The following TBATA variants were observed in gnomAD, a reference collection of about 807,000 sequenced individuals.
The protein encoded by TBATA is thymus, brain and testes associated, also known as protein TBATA.
TBATA carries 47 observed loss-of-function variants against 38.7 expected under a neutral mutation model. The ratio of observed to expected loss-of-function variants is 1.21; its 90% CI spans 0.96 to 1.55. TBATA has a LOEUF of 1.55. Among genes scored for constraint, TBATA ranks in the 40% most tolerant of loss-of-function variants. TBATA has a pLI of 0.00. For missense variants in TBATA, 436 were observed against 435.6 expected, an observed-to-expected ratio of 1.00 and a Z score of -0.01; for synonymous variants, 183 against 170.5, an observed-to-expected ratio of 1.07 and a Z score of -0.57.
chr10:70,774,325 C>T lies in TBATA; in HGVS notation c.808G>A (p.Ala270Thr), dbSNP rs1210183422. ...KDLALGLLQT[A>T]VAQLLPQPLV... ...GGCTGGGGAAGGAGCTGAGCCACTG[C>T]TGTCTGCAGGAGTCCCAGAGCGAGG... The change falls in exon 9 of 11, where the codon GCA becomes ACA. Residue 270 changes from alanine (A) to threonine (T), a missense_variant. Transcript: ENST00000456372. 6.2e-7 allele frequency: 1 copy of T among 1,604,748 alleles called. No homozygotes were observed. The highest frequency in any genetic ancestry group is 8.5e-7 in the Non-Finnish European group (1 of 1,176,438).
At position 70,774,217 on chromosome 10, in the gene TBATA, AG is replaced by A. The variant is rs1320182686; in HGVS notation, c.915del (p.Cys306AlafsTer51). ...AGGGCGGGGTGCGGGGCCCACCTGC[AG>A]GGTGGCTCTTGCTTCTCTTGAGGAG... The part of the protein sequence containing the change: ...HEPPQEKQEP[P>X]CSQSPKKTKI... On this transcript the variant is annotated frameshift_variant, in exon 9 of 11. Coordinates refer to ENST00000456372, the MANE Select transcript of TBATA (RefSeq NM_001318241.2). LOFTEE classifies it high-confidence loss of function. 6.2e-7 allele frequency: 1 copy of A among 1,612,056 alleles called. No homozygotes were observed. Among genetic ancestry groups the A allele is most frequent in the Non-Finnish European group, 8.5e-7 (1 of 1,179,570 alleles).
At position 70,781,891 on chromosome 10, in the gene TBATA, T is replaced by C; in HGVS notation, c.187A>G (p.Thr63Ala). 1.9e-6 allele frequency: 3 copies of C among 1,614,046 alleles called. No homozygotes were observed. The highest frequency in any genetic ancestry group is 2.2e-5 in the South Asian group (2 of 91,078). ...RRALRTPKPQ[T>A]PGTYCFGRLS... ...CGTCCAAAGCAGTAGGTGCCAGGGG[T>C]TTGGGGCTTTGGGGTCCTCAATGCC... Residue 63 changes from threonine to alanine, a missense_variant, in exon 4 of 11, where the codon ACC becomes GCC. Transcript: ENST00000456372.
chr10:70,778,722 G>T (rs1272029371), intron 5 of TBATA, 86 bp from the exon 6 acceptor site: 2 of 1,199,148 alleles, frequency 1.7e-6, no homozygotes, highest in Non-Finnish European at 1.2e-6. Context: ...AGAGGAGTCT[G>T]CTCTCCTTCC....
intron 3 of TBATA, chr10:70,782,312 G>T (rs1384619719): frequency 6.8e-7 from 1 of 1,468,110 alleles, no homozygotes; most frequent in African/African-American, 1.4e-5. Flanking sequence ...TTTTTTCCCA[G>T]AGACCATATC....
chr10:70,782,314 G>T, intron 3 of TBATA: 1 of 1,461,144 alleles, frequency 6.8e-7, no homozygotes, highest in Non-Finnish European at 9.1e-7. Flanking sequence ...TTTTCCCAGA[G>T]ACCATATCTG....
intron 8 of TBATA, 107 bp downstream of exon 8, chr10:70,775,082 C>G: frequency 9.5e-7 from 1 of 1,057,414 alleles, no homozygotes. Context: ...ATGGAAGGCC[C>G]CCTCCAGGGT....
chr10:70,783,882 C>T (rs1191285273), intron 2 of TBATA, among the ~76,000 whole-genome samples: 1 of 152,160 alleles, frequency 6.6e-6, no homozygotes, highest in Admixed American at 6.5e-5. Context: ...CTTATTAACT[C>T]AATTTACTTT....
At chr10:70,775,135 G>A (rs1843222500) in intron 8 of TBATA, 54 bp downstream of exon 8, 1 of 1,533,428 alleles carries the variant, frequency 6.5e-7, no homozygotes, top group Non-Finnish European at 9.0e-7. Context: ...CAGAGATCAA[G>A]GGCAGGACCT....
At chr10:70,777,431 C>T (rs1199652067) in intron 6 of TBATA, 93 bp from the exon 7 acceptor site, 1 of 1,217,226 alleles carries the variant, frequency 8.2e-7, no homozygotes, top group Non-Finnish European at 1.1e-6. Context: ...GGGTCACAAT[C>T]CCAGGGCACT....
chr10:70,785,043 C>T lies in TBATA; in HGVS notation c.-274+242G>A, dbSNP rs139073328. Reference sequence around the variant, plus strand: ...GCCACCAGGGGGTCATAACCCACAGCGGCTGTAGAGAGGCTGACAGGGACT... The same window carrying T: ...GCCACCAGGGGGTCATAACCCACAGTGGCTGTAGAGAGGCTGACAGGGACT... On this transcript the variant is annotated intron_variant, in intron 1 of 10. Coordinates refer to ENST00000456372, the MANE Select transcript of TBATA (RefSeq NM_001318241.2). 4.5e-4 allele frequency among the ~76,000 whole-genome samples: 68 copies of T among 152,296 alleles called. No individual in the cohort carries two copies. In the East Asian group the frequency reaches 0.013, roughly 28 times the overall value.
intron 4 of TBATA, 117 bp from the exon 5 acceptor site, chr10:70,779,859 C>T (rs1411063282): frequency 1.8e-6 from 2 of 1,088,068 alleles, no homozygotes; most frequent in Non-Finnish European, 2.6e-6. Flanking sequence ...CAGTAACCAC[C>T]AGCTGATAGA....
chr10:70,778,734 G>A (rs1248030763), intron 5 of TBATA, 98 bp from the exon 6 acceptor site: 1 of 1,054,752 alleles, frequency 9.5e-7, no homozygotes, highest in African/African-American at 1.6e-5. Context: ...TCTCCTTCCT[G>A]GCCTCCCTGC....
intron 4 of TBATA, among the ~76,000 whole-genome samples, 178 bp downstream of exon 4, chr10:70,781,623 G>A (rs1844223122): frequency 6.6e-6 from 1 of 152,242 alleles, no homozygotes; most frequent in Non-Finnish European, 1.5e-5. Flanking sequence ...CACCCTTGGA[G>A]GCTTCTCTCC....
chr10:70,776,879 A>C (rs1843470834), intron 7 of TBATA, among the ~76,000 whole-genome samples: 1 of 152,160 alleles, frequency 6.6e-6, no homozygotes, highest in Admixed American at 6.5e-5. Context: ...CTAACTCAGC[A>C]AATGCTACAG....
intron 7 of TBATA, 84 bp from the exon 8 acceptor site, chr10:70,775,354 A>G: frequency 8.1e-7 from 1 of 1,235,366 alleles, no homozygotes; most frequent in Admixed American, 1.8e-5. Flanking sequence ...CACCAAGGAG[A>G]CCCTTCCCCC....
At position 70,774,264 on chromosome 10, in the gene TBATA, T is replaced by C; in HGVS notation, c.869A>G (p.Gln290Arg). 5.6e-6 allele frequency: 9 copies of C among 1,612,024 alleles called. No homozygotes were observed. The highest frequency in any genetic ancestry group is 6.8e-6 in the Non-Finnish European group (8 of 1,179,574). The change falls in exon 9 of 11, where the codon CAG becomes CGG. Residue 290 changes from glutamine (Q) to arginine (R), a missense_variant. By Grantham distance (43) the Gln-to-Arg change is conservative (BLOSUM62 1). Transcript: ENST00000456372. ...AGGAGGTTCATGCACTTCTGGAAGC[T>C]GGCTTAGGAGCTTTTCTGTAGGGAT... ...VSIPTEKLLS[Q>R]LPEVHEPPQE...
intron 8 of TBATA, among the ~76,000 whole-genome samples, 186 bp downstream of exon 8, chr10:70,775,003 G>A (rs1227528469): frequency 2.0e-5 from 3 of 152,234 alleles, no homozygotes; most frequent in African/African-American, 7.2e-5. Flanking sequence ...GAATTGGGGA[G>A]GAGGAAGCAG....
chr10:70,772,314 A>T, intron 10 of TBATA, 200 bp downstream of exon 10: 1 of 718,196 alleles, frequency 1.4e-6, no homozygotes, highest in Non-Finnish European at 2.6e-6. Flanking sequence ...ATTCTTCCTC[A>T]CTGATCCCCA....
At chr10:70,779,855 C>T (rs540905357) in intron 4 of TBATA, 113 bp from the exon 5 acceptor site, 1 of 1,121,950 alleles carries the variant, frequency 8.9e-7, no homozygotes, top group East Asian at 2.9e-5. Context: ...CTTCCAGTAA[C>T]CACCAGCTGA....
Sources: gnomAD v4.1 joint callset for allele counts (sites outside exome capture counted in the v4.1 genomes callset) on GRCh38, gnomAD v4.1.1 for gene constraint, MANE v1.5 for transcripts, NCBI Gene and HGNC (gene_info 2026-07-23, HGNC 2026-07-21) for gene names.